The following KHK variants were observed in gnomAD, a reference collection of about 807,000 sequenced individuals.
The protein encoded by KHK is ketohexokinase.
KHK carries 37 observed loss-of-function variants against 36.0 expected under a neutral mutation model. The observed-to-expected ratio is 1.03, with a 90% CI of 0.79 to 1.35. The LOEUF is 1.35. Ranked by LOEUF, KHK falls within the 40% of genes most tolerant of loss-of-function variation. The pLI is 0.00. For missense variants in KHK, 395 were observed against 391.9 expected (o/e 1.01, Z -0.07); for synonymous variants, 161 against 162.8 (o/e 0.99, Z 0.08).
At chr2:27,087,414 C>A in intron 1 of KHK, 63 bp downstream of exon 1, 2 of 1,337,422 alleles carry the variant, frequency 1.5e-6, no homozygotes, top group Non-Finnish European at 2.1e-6. Context: ...TTTGTGCCAG[C>A]GACCGAGGCT....
chr2:27,095,259 G>C (rs970642416), intron 3 of KHK, among the ~76,000 whole-genome samples: 2 of 152,172 alleles, frequency 1.3e-5, no homozygotes, highest in Non-Finnish European at 2.9e-5. Context: ...CTGTGGGTGC[G>C]GGGAAACTGT....
chr2:27,087,700 T>C (rs891885813), intron 1 of KHK, among the ~76,000 whole-genome samples: 1 of 152,240 alleles, frequency 6.6e-6, no homozygotes, highest in African/African-American at 2.4e-5. Flanking sequence ...GCTACCTGCT[T>C]CTGCTGTTTC....
Position 27,099,967 on chromosome 2 carries a change from C to T in KHK, c.*217C>T, listed in dbSNP as rs1419607585. 3.1e-5 allele frequency: 31 copies of T among 986,676 alleles called. No homozygotes were observed. The highest frequency in any genetic ancestry group is 4.6e-5 in the Non-Finnish European group (30 of 651,246). The allele number at this position is 986,676 out of a possible 1,614,324, so 61.1% of individuals were successfully genotyped here. On this transcript the variant is annotated 3_prime_UTR_variant, in exon 8 of 8. Transcript: ENST00000260598. ...CAGAGCAAATAAATCTTCCTCAGAG[C>T]CAGCTTCTCCTCTCAATGTCTGAAC...
In KHK at chr2:27,097,575, CAGA is replaced by C. The variant is rs1466812995; in HGVS notation, c.494_496del (p.Lys165del). On this transcript the variant is annotated inframe_deletion, in exon 5 of 8. Transcript: ENST00000260598. ...ACACAACACCAGGCAGCCTCCAGAG[CAGA>C]AGATCCGGGTGTCCGTGGAGGTGGA... 2.5e-6 allele frequency: 4 copies of C among 1,613,914 alleles called. No individual in the cohort carries two copies. Among genetic ancestry groups the C allele is most frequent in the Non-Finnish European group, 3.4e-6 (4 of 1,180,054 alleles).
intron 1 of KHK, among the ~76,000 whole-genome samples, chr2:27,091,974 A>G (rs1403809854): frequency 3.3e-5 from 5 of 152,244 alleles, no homozygotes; most frequent in African/African-American, 1.2e-4. Context: ...CCAAAGGTGC[A>G]GCGTCTGGAG....
intron 1 of KHK, among the ~76,000 whole-genome samples, chr2:27,089,298 T>C (rs199794565): frequency 3.2e-3 from 2 of 624 alleles, no homozygotes; most frequent in Non-Finnish European, 7.2e-3. Context: ...GTGCAGGGAC[T>C]GGGGAAGGGG....
At chr2:27,092,544 A>G in intron 2 of KHK, 96 bp downstream of exon 2, 1 of 915,442 alleles carries the variant, frequency 1.1e-6, no homozygotes, top group Non-Finnish European at 1.8e-6. Flanking sequence ...GGGATTAGAA[A>G]TGGGTTGTGT....
Position 27,092,491 on chromosome 2 carries a change from A to G in KHK, c.209+43A>G, listed in dbSNP as rs1670077417. 6.4e-6 allele frequency: 9 copies of G among 1,403,192 alleles called. No individual in the cohort carries two copies. The East Asian group carries it at 1.6e-4, about 25-fold the overall frequency. The allele number at this position is 1,403,192 out of a possible 1,614,324, so 86.9% of individuals were successfully genotyped here. ...AGCCCACTGGGGAAGGCCTGCCTGC[A>G]TCATTGTGGGAGAAGAAGGATGTAT... On this transcript the variant is annotated intron_variant, in intron 2 of 7. Transcript: ENST00000260598.
Position 27,087,120 on chromosome 2 carries a change from G to T in KHK, c.-140G>T. 1.5e-6 allele frequency: 1 copy of T among 675,166 alleles called. No individual in the cohort carries two copies. The highest frequency in any genetic ancestry group is 1.8e-5 in the South Asian group (1 of 55,782). 41.8% of individuals were successfully genotyped at this position (675,166 alleles called of 1,614,324 possible). A position where few individuals can be genotyped will look rare whatever the true frequency, so the allele number is the denominator to read the frequency against. ...TTCCCTGCACCCCTGGCCGCTGCAGGTGGCTCCCTGGAGGAGGAGCTCCCA... is the reference window on the plus strand; with the variant it reads ...TTCCCTGCACCCCTGGCCGCTGCAGTTGGCTCCCTGGAGGAGGAGCTCCCA... On this transcript the variant is annotated 5_prime_UTR_variant, in exon 1 of 8. Transcript: ENST00000260598.
At chr2:27,096,616 T>G (rs1361215910) in intron 3 of KHK, 113 bp from the exon 4 acceptor site, 5 of 845,210 alleles carry the variant, frequency 5.9e-6, no homozygotes, top group Middle Eastern at 3.2e-4. Context: ...TCCAGCTTCC[T>G]GTCATGCTGC....
Position 27,099,558 on chromosome 2 carries a change from C to T in KHK, c.792C>T (p.Val264=), listed in dbSNP as rs770353880. The change falls in exon 7 of 8, where the codon GTC becomes GTT. Residue 264 remains valine, a synonymous_variant. Coordinates refer to ENST00000260598, the MANE Select transcript of KHK (RefSeq NM_006488.3). The stretch of plus-strand genomic sequence containing the variant: ...CTGGAGACACCTTCAATGCCTCCGT[C>T]ATCTTCAGCCTCTCCCAGGGTGAGT... ...LGAGDTFNAS[V]IFSLSQGRSV... is the part of the protein sequence containing the mutation. 4.3e-6 allele frequency: 7 copies of T among 1,614,052 alleles called. No homozygotes were observed. The highest frequency in any genetic ancestry group is 5.9e-6 in the Non-Finnish European group (7 of 1,180,038).
intron 3 of KHK, among the ~76,000 whole-genome samples, chr2:27,095,365 G>T (rs1670272238): frequency 6.6e-6 from 1 of 152,208 alleles, no homozygotes; most frequent in African/African-American, 2.4e-5. Flanking sequence ...CCCCAGAGTT[G>T]CCAGCCTGCA....
chr2:27,094,650 C>A (rs376933692), intron 2 of KHK, 150 bp from the exon 3 acceptor site: 2 of 1,613,910 alleles, frequency 1.2e-6, no homozygotes, highest in South Asian at 2.2e-5. Context: ...CTGCTGCCGC[C>A]GCCACCAAAA....
Position 27,087,323 on chromosome 2 carries a change from A to G in KHK, c.64A>G (p.Lys22Glu), listed in dbSNP as rs774729319. ...VVLDVISLVDKYPKEDSEIRC... is the reference protein window; with the variant it reads ...VVLDVISLVDEYPKEDSEIRC... ...GCTGGACGTCATCAGCCTGGTGGAC[A>G]AGTACCCTAAGGAGGACTCGGAGAT... Residue 22 changes from lysine to glutamate, a missense_variant, in exon 1 of 8, where the codon AAG becomes GAG. Coordinates refer to ENST00000260598, the MANE Select transcript of KHK (RefSeq NM_006488.3). 4 of 1,598,812 alleles carry G rather than the reference A, an allele frequency of 2.5e-6. No individual in the cohort carries two copies. Among genetic ancestry groups the G allele is most frequent in the East Asian group, 2.3e-5 (1 of 44,290 alleles).
At chr2:27,098,252 G>A (rs1670522727) in intron 5 of KHK, among the ~76,000 whole-genome samples, 1 of 152,100 alleles carries the variant, frequency 6.6e-6, no homozygotes, top group African/African-American at 2.4e-5. Context: ...CAAGTGTAGT[G>A]GCTCACACTT....
intron 5 of KHK, 169 bp from the exon 6 acceptor site, chr2:27,099,027 A>C: frequency 1.4e-6 from 1 of 706,362 alleles, no homozygotes; most frequent in Non-Finnish European, 2.6e-6. Flanking sequence ...CCATCTTCAC[A>C]AAAAATAAAG....
chr2:27,097,657 C>T lies in KHK; in HGVS notation c.564+8C>T. On this transcript the variant is annotated splice_region_variant and intron_variant, in intron 5 of 7. Coordinates refer to ENST00000260598, the MANE Select transcript of KHK (RefSeq NM_006488.3). ...TTTGGCTACGGAGACGTGGTGGGTG[C>T]CCCATTCAGCCTCTCTTTGCCACTT... The T allele has an allele frequency of 6.2e-7, 1 of 1,613,728 alleles. No individual in the cohort carries two copies. Among genetic ancestry groups the T allele is most frequent in the Non-Finnish European group, 8.5e-7 (1 of 1,179,986 alleles).
intron 1 of KHK, chr2:27,087,974 C>T (rs1415753199): frequency 6.6e-6 from 1 of 152,112 alleles, no homozygotes; most frequent in African/African-American, 2.4e-5. Flanking sequence ...CAAGCTTTTT[C>T]CTGGTGCTAA....
intron 1 of KHK, among the ~76,000 whole-genome samples, chr2:27,089,237 G>A (rs1669841753): frequency 6.6e-6 from 1 of 152,140 alleles, no homozygotes; most frequent in East Asian, 1.9e-4. Context: ...ACCATCTCTT[G>A]GAGTTGACCC....
Sources: gnomAD v4.1 joint callset for allele counts (sites outside exome capture counted in the v4.1 genomes callset) on GRCh38, gnomAD v4.1.1 for gene constraint, MANE v1.5 for transcripts, NCBI Gene and HGNC (gene_info 2026-07-23, HGNC 2026-07-21) for gene names.